The following EPHB1 variants were observed in gnomAD, a reference collection of about 807,000 sequenced individuals.
EPHB1 encodes the protein ephrin type-B receptor 1.
In EPHB1, 30 loss-of-function variants were observed where a neutral mutation model predicts 94.4. The ratio of observed to expected loss-of-function variants is 0.32; its 90% confidence interval spans 0.24 to 0.43. EPHB1 has a LOEUF of 0.43. Among genes scored for constraint, EPHB1 ranks in the 20% least tolerant of loss-of-function variants. The pLI is 1.00. For synonymous variants in EPHB1, 522 were observed against 489.1 expected (o/e 1.07, Z -0.89); for missense variants, 1,055 against 1,308.3 (o/e 0.81, Z 2.99).
At chr3:134,845,864 T>C (rs185837227) in intron 1 of EPHB1, among the ~76,000 whole-genome samples, 42 of 152,314 alleles carry the variant, frequency 2.8e-4, no homozygotes, top group African/African-American at 1.0e-3. Context: ...TCACAGAGGA[T>C]GCACCCTGCC....
chr3:135,016,426 G>A (rs1230707080), intron 3 of EPHB1, among the ~76,000 whole-genome samples: 1 of 152,200 alleles, frequency 6.6e-6, no homozygotes, highest in Non-Finnish European at 1.5e-5. Flanking sequence ...GCCTCTGTAA[G>A]TGTGAAGGAA....
intron 1 of EPHB1, among the ~76,000 whole-genome samples, chr3:134,917,463 A>G (rs545288026): frequency 6.6e-6 from 1 of 152,320 alleles, no homozygotes; most frequent in Admixed American, 6.5e-5. Flanking sequence ...GCCACGTGTG[A>G]ACCAAGACCT....
chr3:135,054,951 A>T (rs1341413669), intron 3 of EPHB1, among the ~76,000 whole-genome samples: 2 of 152,224 alleles, frequency 1.3e-5, no homozygotes, highest in Non-Finnish European at 2.9e-5. Flanking sequence ...GTATGAAATT[A>T]ACAGATGCCT....
chr3:134,804,249 T>C (rs934377684), intron 1 of EPHB1, among the ~76,000 whole-genome samples: 2 of 152,040 alleles, frequency 1.3e-5, no homozygotes, highest in African/African-American at 4.8e-5. Flanking sequence ...AAGCATTTCT[T>C]ATATGGCAGT....
At chr3:135,073,488 T>C (rs1937795995) in intron 3 of EPHB1, among the ~76,000 whole-genome samples, 1 of 152,200 alleles carries the variant, frequency 6.6e-6, no homozygotes, top group Admixed American at 6.5e-5. Flanking sequence ...TTGAAGCAAA[T>C]TCAAGACATC....
intron 3 of EPHB1, among the ~76,000 whole-genome samples, chr3:135,006,649 G>A (rs1280578870): frequency 1.5e-4 from 23 of 152,192 alleles, no homozygotes; most frequent in Admixed American, 1.5e-3. Flanking sequence ...GGGCAACATA[G>A]TGAGACACTG....
chr3:134,820,724 C>T (rs2036364249), intron 1 of EPHB1, among the ~76,000 whole-genome samples: 1 of 152,158 alleles, frequency 6.6e-6, no homozygotes, highest in South Asian at 2.1e-4. Context: ...CCCCAGGCTG[C>T]TTTCTCTTTT....
intron 11 of EPHB1, among the ~76,000 whole-genome samples, chr3:135,193,545 G>T (rs1383478230): frequency 3.3e-5 from 5 of 152,222 alleles, no homozygotes; most frequent in Admixed American, 6.5e-5. Context: ...GATATCTGGG[G>T]AGTGGAAGCT....
At chr3:134,974,604 A>G (rs1272487027) in intron 3 of EPHB1, among the ~76,000 whole-genome samples, 1 of 149,522 alleles carries the variant, frequency 6.7e-6, no homozygotes, top group Non-Finnish European at 1.5e-5. Flanking sequence ...TTAAATTGTG[A>G]ATCTCATCAA....
intron 9 of EPHB1, among the ~76,000 whole-genome samples, chr3:135,173,920 A>G (rs886659140): frequency 6.6e-6 from 1 of 152,182 alleles, no homozygotes; most frequent in African/African-American, 2.4e-5. Context: ...CTTGGCATTG[A>G]CTTGGATTCA....
chr3:134,795,959 C>T (rs931155919), intron 1 of EPHB1, among the ~76,000 whole-genome samples: 1 of 152,256 alleles, frequency 6.6e-6, no homozygotes, highest in Admixed American at 6.5e-5. Flanking sequence ...CTCGGTCTCC[C>T]GCAGCCCCCG....
chr3:135,252,246 C>CTTTAAGTTTTAG (rs1559892951), intron 15 of EPHB1, among the ~76,000 whole-genome samples: 1 of 150,414 alleles, frequency 6.6e-6, no homozygotes, highest in African/African-American at 2.5e-5. Flanking sequence ...TTAAGTTTTA[C>CTTTAAGTTTTAG]GGTACATGTG....
intron 2 of EPHB1, among the ~76,000 whole-genome samples, chr3:134,932,732 T>A (rs546982940): frequency 2.2e-4 from 34 of 152,248 alleles, no homozygotes; most frequent in Non-Finnish European, 4.3e-4. Context: ...CTGAATTTTC[T>A]GTTTTCTCCC....
At chr3:135,060,920 C>T (rs1044963009) in intron 3 of EPHB1, among the ~76,000 whole-genome samples, 17 of 151,778 alleles carry the variant, frequency 1.1e-4, no homozygotes, top group African/African-American at 3.9e-4. Context: ...ACCCATTCAC[C>T]ATCCCTACCT....
chr3:135,159,508 T>C (rs1941450714), intron 6 of EPHB1, among the ~76,000 whole-genome samples: 1 of 152,246 alleles, frequency 6.6e-6, no homozygotes. Flanking sequence ...TTTATTCTTA[T>C]TTGCAAGGTG....
chr3:135,259,161 C>A lies in EPHB1; in HGVS notation c.*41C>A. 1.3e-6 allele frequency: 2 copies of A among 1,513,682 alleles called. No individual in the cohort carries two copies. The highest frequency in any genetic ancestry group is 1.8e-6 in the Non-Finnish European group (2 of 1,105,332). 93.8% of individuals were successfully genotyped at this position (1,513,682 alleles called of 1,614,324 possible). On this transcript the variant is annotated 3_prime_UTR_variant, in exon 16 of 16. Transcript: ENST00000398015. ...GGGGAAGGAGAGGAGGGAAAAGGAC[C>A]AGGGTCAAGGGGGACCAGAGGTTGA...
At chr3:135,112,486 C>A (rs1049400461) in intron 4 of EPHB1, among the ~76,000 whole-genome samples, 10 of 151,414 alleles carry the variant, frequency 6.6e-5, no homozygotes, top group African/African-American at 1.7e-4. Flanking sequence ...TCTGCTGCAC[C>A]CATTAACTTG....
At chr3:135,178,693 G>C (rs199876326) in intron 9 of EPHB1, among the ~76,000 whole-genome samples, 3 of 152,086 alleles carry the variant, frequency 2.0e-5, no homozygotes, top group African/African-American at 4.8e-5. Context: ...GAAGAGGGGG[G>C]AGGTGCTAAA....
chr3:134,936,854 T>C (rs1302629224), intron 2 of EPHB1, among the ~76,000 whole-genome samples: 1 of 152,214 alleles, frequency 6.6e-6, no homozygotes, highest in East Asian at 1.9e-4. Flanking sequence ...CAGTTCATTA[T>C]GTAACAAGGC....
Sources: gnomAD v4.1 joint callset for allele counts (sites outside exome capture counted in the v4.1 genomes callset) on GRCh38, gnomAD v4.1.1 for gene constraint, MANE v1.5 for transcripts, NCBI Gene and HGNC (gene_info 2026-07-23, HGNC 2026-07-21) for gene names.